The following SPTBN4 variants were observed in gnomAD, a reference collection of about 807,000 sequenced individuals.
SPTBN4 encodes the protein spectrin beta, non-erythrocytic 4.
SPTBN4 carries 96 observed loss-of-function variants against 277.8 expected under a neutral mutation model. The ratio of observed to expected loss-of-function variants is 0.35; its 90% CI spans 0.29 to 0.41. The LOEUF is 0.41. Among genes scored for constraint, SPTBN4 ranks in the 10% least tolerant of loss-of-function variants. The pLI is 1.00. For synonymous variants in SPTBN4, 1,481 were observed against 1,580.3 expected, an observed-to-expected ratio of 0.94 and a Z score of 1.49; for missense variants, 3,006 against 3,595.7, an observed-to-expected ratio of 0.84 and a Z score of 4.19.
In SPTBN4 at chr19:40,513,218, G is replaced by A. The variant is rs909632301; in HGVS notation, c.2429G>A (p.Arg810His). ...DFGHDEASSR[R>H]LARQHRALTG... ...GGCCACGACGAAGCTTCCAGCCGCC[G>A]CCTGGCGCGCCAGCACCGCGCGCTC... The change falls in exon 14 of 36, where the codon CGC becomes CAC. Residue 810 changes from arginine (R) to histidine (H), a missense_variant. Transcript: ENST00000598249. 3 of 1,504,112 alleles carry A rather than the reference G, an allele frequency of 2.0e-6. No individual in the cohort carries two copies. Among genetic ancestry groups the A allele is most frequent in the Non-Finnish European group, 2.6e-6 (3 of 1,134,326 alleles). The allele number at this position is 1,504,112 out of a possible 1,614,324, so 93.2% of individuals were successfully genotyped here. A position where few individuals can be genotyped will look rare whatever the true frequency, so the allele number is the denominator to read the frequency against.
rs773976656 is a variant in SPTBN4, at chr19:40,513,239, C to T, written c.2450C>T (p.Ala817Val). Residue 817 changes from alanine to valine, a missense_variant, in exon 14 of 36, where the codon GCG becomes GTG. Coordinates refer to ENST00000598249, the MANE Select transcript of SPTBN4 (RefSeq NM_020971.3). The stretch of plus-strand genomic sequence containing the variant: ...CGCCGCCTGGCGCGCCAGCACCGCG[C>T]GCTCACCGGGGAGGTGGAGGCACAT... ...SSRRLARQHR[A>V]LTGEVEAHRG... is the part of the protein sequence containing the mutation. 15 of 1,516,340 alleles carry T rather than the reference C, an allele frequency of 9.9e-6. No homozygotes were observed. The highest frequency in any genetic ancestry group is 2.8e-5 in the African/African-American group (2 of 70,256). The allele number at this position is 1,516,340 out of a possible 1,614,324, so 93.9% of individuals were successfully genotyped here.
chr19:40,522,956 A>ACCC (rs1234595019), intron 16 of SPTBN4, among the ~76,000 whole-genome samples: 1 of 151,754 alleles, frequency 6.6e-6, no homozygotes, highest in East Asian at 2.0e-4. Context: ...ACATGGTGAA[A>ACCC]CCCCGTCTCT....
At chr19:40,535,821 TAGCTACTCAGGAGGCTGTAATCCC>T (rs1385267203) in intron 20 of SPTBN4, among the ~76,000 whole-genome samples, 2 of 151,920 alleles carry the variant, frequency 1.3e-5, no homozygotes, top group Admixed American at 6.6e-5. Context: ...CCTGTAATCC[TAGCTACTCAGGAGGCTGTAATCCC>T]AGCTACTCAG....
Position 40,554,598 on chromosome 19 carries a change from A to G in SPTBN4, c.5036A>G (p.Gln1679Arg). The G allele has an allele frequency of 6.4e-7, 1 of 1,559,314 alleles. No homozygotes were observed. Among genetic ancestry groups the G allele is most frequent in the Non-Finnish European group, 8.7e-7 (1 of 1,152,488 alleles). ...GVENYEESIA[Q>R]LSRQCRALLE... The stretch of plus-strand genomic sequence containing the variant: ...GAGAACTACGAGGAAAGCATCGCGC[A>G]GCTGTCGCGCCAGTGCCGGGCGCTG... Residue 1679 changes from glutamine (Q) to arginine (R), a missense_variant, in exon 24 of 36, where the codon CAG (glutamine) becomes CGG (arginine). By Grantham distance (43) the Gln-to-Arg change is conservative (BLOSUM62 1). This residue lies in a region of SPTBN4 where 425 missense variants were observed against 594.7 expected (regional missense o/e 0.71). Transcript: ENST00000598249. The surrounding 1 kb of genome is among the most constrained non-coding windows in gnomAD (Gnocchi z 5.7).
At chr19:40,468,302 C>G (rs2079849325) in intron 1 of SPTBN4, among the ~76,000 whole-genome samples, 1 of 152,022 alleles carries the variant, frequency 6.6e-6, no homozygotes, top group African/African-American at 2.4e-5. Flanking sequence ...GTCTCCAACT[C>G]TTGACCTCAG....
intron 20 of SPTBN4, among the ~76,000 whole-genome samples, chr19:40,545,529 G>A (rs2080849396): frequency 6.6e-6 from 1 of 152,230 alleles, no homozygotes; most frequent in Non-Finnish European, 1.5e-5. Context: ...ACCACTGACA[G>A]TGGCTGAGTG....
chr19:40,501,652 G>A (rs2080264245), intron 7 of SPTBN4, among the ~76,000 whole-genome samples: 1 of 151,160 alleles, frequency 6.6e-6, no homozygotes, highest in Non-Finnish European at 1.5e-5. Context: ...TGGGCAACAA[G>A]AGCAAAATTC....
rs759811083 is a variant in SPTBN4, at chr19:40,523,655, C to T, written c.3857+16C>T. On this transcript the variant is annotated intron_variant, in intron 17 of 35. Transcript: ENST00000598249. Reference sequence around the variant, plus strand: ...TGCTGGAGAAGTAGGTCCCCTAGACCCATCCACCCCAGGGAGGGGGCAGAA... The same window carrying T: ...TGCTGGAGAAGTAGGTCCCCTAGACTCATCCACCCCAGGGAGGGGGCAGAA... 1 of 1,592,890 alleles carries T rather than the reference C, an allele frequency of 6.3e-7. No homozygotes were observed. The highest frequency in any genetic ancestry group is 8.6e-7 in the Non-Finnish European group (1 of 1,166,700).
In SPTBN4 at chr19:40,546,442, G is replaced by A. The variant is rs192862156; in HGVS notation, c.4360-2747G>A. Among the ~76,000 whole-genome samples, 751 of 152,000 alleles carry A rather than the reference G, an allele frequency of 4.9e-3. 9 individuals carry two copies. The highest frequency in any genetic ancestry group is 0.017 in the African/African-American group (720 of 41,470). ...TGCATTGAACAAATCATAACTGGAGGCCTATTGTGTACCAAAAATTGTTCT... is the reference window on the plus strand; with the variant it reads ...TGCATTGAACAAATCATAACTGGAGACCTATTGTGTACCAAAAATTGTTCT... On this transcript the variant is annotated intron_variant, in intron 20 of 35. Transcript: ENST00000598249.
Position 40,568,060 on chromosome 19 carries a change from G to A in SPTBN4, c.6734G>A (p.Arg2245Lys). ...ESADRAEELP[R>K]RRRPERQESV... ...GCTGATCGCGCGGAGGAGCTGCCCA[G>A]GAGGCGGCGGCCTGAGCGGCAAGAG... The change falls in exon 31 of 36, where the codon AGG (arginine) becomes AAG (lysine). Residue 2245 changes from arginine (R) to lysine (K), a missense_variant. Arg to Lys is a conservative substitution (Grantham distance 26). This residue lies in a region of SPTBN4 where 630 missense variants were observed against 677.6 expected (regional missense o/e 0.93). Coordinates refer to ENST00000598249, the MANE Select transcript of SPTBN4 (RefSeq NM_020971.3). 2 of 1,558,508 alleles carry A rather than the reference G, an allele frequency of 1.3e-6. No homozygotes were observed. The highest frequency in any genetic ancestry group is 1.7e-6 in the Non-Finnish European group (2 of 1,151,990).
chr19:40,513,009 C>T lies in SPTBN4; in HGVS notation c.2220C>T (p.His740=), dbSNP rs1450766250. 3 of 1,431,232 alleles carry T rather than the reference C, an allele frequency of 2.1e-6. No individual in the cohort carries two copies. In the South Asian group the frequency reaches 4.2e-5, roughly 20 times the overall value. 88.7% of individuals were successfully genotyped at this position (1,431,232 alleles called of 1,614,324 possible). A position where few individuals can be genotyped will look rare whatever the true frequency, so the allele number is the denominator to read the frequency against. ...GAVGPGADTV[H]LVGLAERAAS... The stretch of plus-strand genomic sequence containing the variant: ...TCGGCCCGGGAGCAGACACCGTGCA[C>T]CTGGTAGGCCTGGCGGAGCGCGCGG... Residue 740 remains histidine, a synonymous_variant, in exon 14 of 36, where the codon CAC becomes CAT. Transcript: ENST00000598249.
intron 17 of SPTBN4, among the ~76,000 whole-genome samples, chr19:40,528,427 C>A (rs1247709412): frequency 1.3e-5 from 2 of 152,232 alleles, no homozygotes; most frequent in African/African-American, 4.8e-5. Context: ...TCTCTCCCCA[C>A]ACTCTGCTCT....
In SPTBN4 at chr19:40,554,568, G is replaced by C. The variant is rs905800373; in HGVS notation, c.5006G>C (p.Gly1669Ala). Residue 1669 changes from glycine (G) to alanine (A), a missense_variant, in exon 24 of 36, where the codon GGC becomes GCC. Transcript: ENST00000598249. This position sits in a 1 kb window ranked among gnomAD's most constrained non-coding sequence, Gnocchi z 5.7. ...AAGAAACACCTGCAGCTGGAGCAAG[G>C]CGTGGAGAACTACGAGGAAAGCATC... ...LLKKHLQLEQ[G>A]VENYEESIAQ... 6.6e-7 allele frequency: 1 copy of C among 1,523,072 alleles called. No homozygotes were observed. Among genetic ancestry groups the C allele is most frequent in the African/African-American group, 1.4e-5 (1 of 72,492 alleles). 94.3% of individuals were successfully genotyped at this position (1,523,072 alleles called of 1,614,324 possible).
At chr19:40,549,488 T>C (rs2080894048) in intron 21 of SPTBN4, 75 bp downstream of exon 21, 3 of 1,188,848 alleles carry the variant, frequency 2.5e-6, no homozygotes, top group African/African-American at 1.6e-5. Context: ...GGGGCGGGGC[T>C]GAAGATGGAG....
intron 3 of SPTBN4, among the ~76,000 whole-genome samples, chr19:40,488,607 A>G (rs1018571778): frequency 6.6e-6 from 1 of 152,116 alleles, no homozygotes; most frequent in Non-Finnish European, 1.5e-5. Context: ...CCCGGGCAAC[A>G]TAATGAGACC....
At chr19:40,509,491 C>T (rs182035492) in intron 13 of SPTBN4, among the ~76,000 whole-genome samples, 75 of 152,236 alleles carry the variant, frequency 4.9e-4, no homozygotes, top group African/African-American at 1.7e-3. Context: ...GTGATCTGCC[C>T]GCTTTGTCTT....
At chr19:40,531,435 C>G (rs974778462) in intron 18 of SPTBN4, among the ~76,000 whole-genome samples, 9 of 137,418 alleles carry the variant, frequency 6.5e-5, no homozygotes, top group Non-Finnish European at 9.1e-5. Context: ...ATTTGCCTCC[C>G]GGGACCGCGG....
At chr19:40,572,637 G>A (rs1454038152) in intron 35 of SPTBN4, 6 of 527,846 alleles carry the variant, frequency 1.1e-5, no homozygotes, top group Non-Finnish European at 2.0e-5. Context: ...ACTCAGGTGA[G>A]ACTGGAATGG....
chr19:40,475,371 A>G (rs2145803371), intron 2 of SPTBN4, among the ~76,000 whole-genome samples: 1 of 152,268 alleles, frequency 6.6e-6, no homozygotes, highest in East Asian at 1.9e-4. Context: ...AAAGGTCAGA[A>G]TCAGTTCCCT....
Sources: gnomAD v4.1 joint callset for allele counts (sites outside exome capture counted in the v4.1 genomes callset) on GRCh38, gnomAD v4.1.1 for gene constraint, gnomAD v4.1.1 regional missense constraint, Gnocchi (gnomAD v3.1) non-coding constraint, MANE v1.5 for transcripts, NCBI Gene and HGNC (gene_info 2026-07-23, HGNC 2026-07-21) for gene names.